MYZAP: variants seen among roughly 807,000 people sequenced by gnomAD.
MYZAP encodes the protein GRINL1A complex locus upstream.
MYZAP carries 66 observed loss-of-function variants against 69.4 expected under a neutral mutation model. That is an observed-to-expected ratio of 0.95 (90% CI 0.78 to 1.17). MYZAP has a LOEUF of 1.17. Among genes scored for constraint, MYZAP ranks in the 50% most tolerant of loss-of-function variants. The pLI is 0.00. For synonymous variants in MYZAP, 256 were observed against 205.9 expected (o/e 1.24, Z -2.09); for missense variants, 611 against 556.2 (o/e 1.10, Z -0.99).
intron 12 of MYZAP, among the ~76,000 whole-genome samples, chr15:57,676,690 A>C (rs2039154377): frequency 6.6e-6 from 1 of 152,144 alleles, no homozygotes; most frequent in Non-Finnish European, 1.5e-5. Flanking sequence ...ACTATGTCTG[A>C]AACCAATAAA....
At chr15:57,629,570 C>CA in intron 5 of MYZAP, 132 bp from the exon 6 acceptor site, 1 of 1,259,994 alleles carries the variant, frequency 7.9e-7, no homozygotes, top group Non-Finnish European at 1.1e-6. Flanking sequence ...CACAGGGTCC[C>CA]AGACTGGCAG....
chr15:57,644,827 A>C (rs1186018947), intron 10 of MYZAP, among the ~76,000 whole-genome samples: 4 of 152,162 alleles, frequency 2.6e-5, no homozygotes, highest in African/African-American at 9.7e-5. Context: ...AAACTTCCCA[A>C]AGGCTATTTA....
chr15:57,609,078 G>A (rs2034942378), intron 2 of MYZAP, among the ~76,000 whole-genome samples: 1 of 152,168 alleles, frequency 6.6e-6, no homozygotes, highest in Non-Finnish European at 1.5e-5. Flanking sequence ...CATAGGTATA[G>A]ATATATATTT....
intron 5 of MYZAP, among the ~76,000 whole-genome samples, 153 bp from the exon 6 acceptor site, chr15:57,629,549 G>T (rs1213153138): frequency 6.6e-6 from 1 of 152,178 alleles, no homozygotes; most frequent in African/African-American, 2.4e-5. Context: ...GAGACCCACA[G>T]TCCCTCACAG....
intron 10 of MYZAP, among the ~76,000 whole-genome samples, chr15:57,657,230 T>C (rs1328889932): frequency 1.3e-5 from 2 of 152,224 alleles, no homozygotes; most frequent in African/African-American, 4.8e-5. Flanking sequence ...TTTTACATCA[T>C]TTGATTAAAT....
At position 57,647,766 on chromosome 15, in the gene MYZAP, T is replaced by C. The variant is rs538242809; in HGVS notation, c.1119+8221T>C. ...CCCTGGCCCTGGGTCCTAGGCTCAT[T>C]GTTGATCTTCTTAGATCTGGGTTCC... On this transcript the variant is annotated intron_variant, in intron 10 of 12. Transcript: ENST00000267853. 4.8e-5 allele frequency: 47 copies of C among 985,432 alleles called. No individual in the cohort carries two copies. The African/African-American group carries it at 7.3e-4, about 15-fold the overall frequency. 61.0% of individuals were successfully genotyped at this position (985,432 alleles called of 1,614,324 possible). A position where few individuals can be genotyped will look rare whatever the true frequency, so the allele number is the denominator to read the frequency against.
chr15:57,634,799 C>T (rs1236010193), intron 8 of MYZAP, among the ~76,000 whole-genome samples: 2 of 152,176 alleles, frequency 1.3e-5, no homozygotes, highest in African/African-American at 2.4e-5. Flanking sequence ...CTTCTACCCC[C>T]TGGGAAAACA....
intron 6 of MYZAP, among the ~76,000 whole-genome samples, chr15:57,631,565 G>T (rs1390326430): frequency 6.6e-6 from 1 of 152,092 alleles, no homozygotes; most frequent in African/African-American, 2.4e-5. Context: ...AGCTGTGCGT[G>T]CACTGCAAAT....
intron 10 of MYZAP, among the ~76,000 whole-genome samples, chr15:57,648,745 A>G (rs2037576137): frequency 6.6e-6 from 1 of 151,030 alleles, no homozygotes; most frequent in African/African-American, 2.4e-5. Flanking sequence ...ATGCTCTTCT[A>G]GGATTAACAA....
intron 1 of MYZAP, among the ~76,000 whole-genome samples, chr15:57,597,046 T>C (rs1216618570): frequency 2.0e-5 from 3 of 152,144 alleles, no homozygotes; most frequent in Non-Finnish European, 2.9e-5. Flanking sequence ...TAACATTGAA[T>C]TGGCAAATGG....
chr15:57,676,701 T>C (rs1357492390), intron 12 of MYZAP, among the ~76,000 whole-genome samples: 1 of 152,106 alleles, frequency 6.6e-6, no homozygotes, highest in African/African-American at 2.4e-5. Context: ...AACCAATAAA[T>C]TGTTTGTTTT....
At chr15:57,669,410 T>C (rs2038763824) in intron 11 of MYZAP, among the ~76,000 whole-genome samples, 1 of 152,148 alleles carries the variant, frequency 6.6e-6, no homozygotes, top group Non-Finnish European at 1.5e-5. Context: ...ATACTCTTTT[T>C]TTCTACACAG....
chr15:57,621,771 T>G (rs191914017), intron 4 of MYZAP, 71 bp downstream of exon 4: 43 of 1,431,792 alleles, frequency 3.0e-5, no homozygotes, highest in Non-Finnish European at 4.0e-5. Flanking sequence ...CAGTGGCTAG[T>G]GCCTAAAGAT....
chr15:57,592,003 G>T lies in MYZAP; in HGVS notation c.-32G>T. On this transcript the variant is annotated 5_prime_UTR_variant, in exon 1 of 13. Transcript: ENST00000267853. ...CTTATTCTGCCCGGGAGGAACGCCGGCGTCCAGCCCGCTACCGACCGCCGC... is the reference window on the plus strand; with the variant it reads ...CTTATTCTGCCCGGGAGGAACGCCGTCGTCCAGCCCGCTACCGACCGCCGC... The T allele has an allele frequency of 7.1e-7, 1 of 1,418,164 alleles. No homozygotes were observed. The highest frequency in any genetic ancestry group is 9.2e-7 in the Non-Finnish European group (1 of 1,088,976). 87.8% of individuals were successfully genotyped at this position (1,418,164 alleles called of 1,614,324 possible). A position where few individuals can be genotyped will look rare whatever the true frequency, so the allele number is the denominator to read the frequency against.
At chr15:57,629,986 T>TG in intron 6 of MYZAP, 132 bp downstream of exon 6, 1 of 1,082,484 alleles carries the variant, frequency 9.2e-7, no homozygotes, top group Non-Finnish European at 1.3e-6. Flanking sequence ...TTTTTTTTTT[T>TG]GAGACAGAGT....
rs1270163320 is a variant in MYZAP at position 57,599,449 on chromosome 15, TC to T, written c.76-4818del. 5 of 1,170,710 alleles carry T rather than the reference TC, an allele frequency of 4.3e-6. No individual in the cohort carries two copies. In the Admixed American group the frequency reaches 1.1e-4, roughly 26 times the overall value. 72.5% of individuals were successfully genotyped at this position (1,170,710 alleles called of 1,614,324 possible). ...TAACTGAGTAATAAAGTATGCTGAGTCCAGCTTCCTGCTTTGATCTCCTGGA... is the reference window on the plus strand; with the variant it reads ...TAACTGAGTAATAAAGTATGCTGAGTCAGCTTCCTGCTTTGATCTCCTGGA... On this transcript the variant is annotated intron_variant, in intron 1 of 12. Coordinates refer to ENST00000267853, the MANE Select transcript of MYZAP (RefSeq NM_001018100.5).
At chr15:57,683,119 T>G (rs1300501927) in intron 12 of MYZAP, among the ~76,000 whole-genome samples, 1 of 152,142 alleles carries the variant, frequency 6.6e-6, no homozygotes, top group East Asian at 1.9e-4. Flanking sequence ...GTTACCACCC[T>G]TGCCTGAGGA....
chr15:57,666,984 A>G (rs547763960), intron 11 of MYZAP, among the ~76,000 whole-genome samples: 1 of 152,152 alleles, frequency 6.6e-6, no homozygotes, highest in African/African-American at 2.4e-5. Context: ...GCAAGCATTT[A>G]TCTTCATAAG....
rs373813520 is a variant in MYZAP, at chr15:57,621,058, A to G, written c.319-550A>G. Among the ~76,000 whole-genome samples the G allele has an allele frequency of 4.7e-5, 7 of 148,034 alleles. No individual in the cohort carries two copies. The East Asian group carries it at 7.8e-4, about 16-fold the overall frequency. ...TGCCTATATATTTTATTATGTATAT[A>G]AAATATATACATAATAAAATTATAT... On this transcript the variant is annotated intron_variant, in intron 3 of 12. Transcript: ENST00000267853.
Sources: gnomAD v4.1 joint callset for allele counts (sites outside exome capture counted in the v4.1 genomes callset) on GRCh38, gnomAD v4.1.1 for gene constraint, MANE v1.5 for transcripts, NCBI Gene and HGNC (gene_info 2026-07-23, HGNC 2026-07-21) for gene names.